RRM1: variants seen among roughly 807,000 people sequenced by gnomAD.
RRM1 encodes the protein ribonucleotide reductase catalytic subunit M1, also known as ribonucleoside-diphosphate reductase large subunit.
Under a neutral mutation model 101.5 loss-of-function variants are expected in RRM1, and 19 were observed. The ratio of observed to expected loss-of-function variants is 0.19; its 90% CI spans 0.13 to 0.27. RRM1 has a LOEUF of 0.27. RRM1 is among the 10% of genes least tolerant of loss of function. The probability of loss-of-function intolerance (pLI) is 1.00; values close to 1 mark genes in which losing one functional copy is unlikely to be tolerated. For missense variants in RRM1, 500 were observed against 962.9 expected, an observed-to-expected ratio of 0.52 and a Z score of 6.36; for synonymous variants, 298 against 323.4, an observed-to-expected ratio of 0.92 and a Z score of 0.84.
At chr11:4,115,194 G>A (rs1311098271) in intron 7 of RRM1, among the ~76,000 whole-genome samples, 7 of 152,124 alleles carry the variant, frequency 4.6e-5, no homozygotes, top group African/African-American at 1.7e-4. Context: ...GCAAAAGACT[G>A]CCCAAAAATG....
chr11:4,111,180 A>G (rs2094564931), intron 5 of RRM1, among the ~76,000 whole-genome samples: 1 of 152,022 alleles, frequency 6.6e-6, no homozygotes, highest in Admixed American at 6.6e-5. Flanking sequence ...ACGTTTTAAA[A>G]AGTTTTTTTT....
At chr11:4,113,895 G>C (rs1383625293) in intron 7 of RRM1, among the ~76,000 whole-genome samples, 2 of 152,188 alleles carry the variant, frequency 1.3e-5, no homozygotes. Flanking sequence ...GGGAGGCCGA[G>C]GCGGGCGGAT....
chr11:4,126,547 A>G (rs988194358), intron 12 of RRM1, 137 bp from the exon 13 acceptor site: 2 of 684,286 alleles, frequency 2.9e-6, no homozygotes, highest in South Asian at 2.1e-5. Context: ...GGACTGATGA[A>G]TGATGAAGAG....
At chr11:4,123,498 T>A in intron 12 of RRM1, 114 bp downstream of exon 12, 1 of 813,692 alleles carries the variant, frequency 1.2e-6, no homozygotes, top group Non-Finnish European at 2.1e-6. Context: ...TGCATAGTTG[T>A]AAGCAGAAGA....
At chr11:4,106,302 T>G (rs1376320669) in intron 3 of RRM1, 79 bp downstream of exon 3, 1 of 1,280,542 alleles carries the variant, frequency 7.8e-7, no homozygotes, top group Non-Finnish European at 1.1e-6. Flanking sequence ...CTTGACTGTT[T>G]AAAGAAGCAA....
intron 1 of RRM1, among the ~76,000 whole-genome samples, chr11:4,096,171 A>G (rs1377368105): frequency 6.6e-6 from 1 of 152,062 alleles, no homozygotes; most frequent in African/African-American, 2.4e-5. Flanking sequence ...GACTATAGGC[A>G]TGCACCACCA....
intron 7 of RRM1, among the ~76,000 whole-genome samples, chr11:4,117,529 GCAGAATGATAAA>G (rs2094575433): frequency 6.6e-6 from 1 of 152,156 alleles, no homozygotes. Context: ...AAAACAAGTT[GCAGAATGATAAA>G]CAGATATGCA....
chr11:4,106,274 A>G, intron 3 of RRM1, 51 bp downstream of exon 3: 1 of 1,426,654 alleles, frequency 7.0e-7, no homozygotes, highest in Non-Finnish European at 9.7e-7. Flanking sequence ...AAAAGTAATA[A>G]GGGTACTAGA....
chr11:4,134,596 G>A (rs1471338404), intron 17 of RRM1, among the ~76,000 whole-genome samples: 1 of 152,076 alleles, frequency 6.6e-6, no homozygotes. Flanking sequence ...GTTAACCCTA[G>A]GCCTAAGAAA....
chr11:4,111,373 T>C (rs2094565274), intron 5 of RRM1, among the ~76,000 whole-genome samples: 2 of 146,756 alleles, frequency 1.4e-5, no homozygotes, highest in Admixed American at 6.9e-5. Context: ...ATTGCGCCAC[T>C]GCACCCCAGC....
chr11:4,119,945 G>C lies in RRM1; in HGVS notation c.876+17G>C. The C allele has an allele frequency of 7.1e-7, 1 of 1,416,200 alleles. No homozygotes were observed. The highest frequency in any genetic ancestry group is 1.0e-6 in the Non-Finnish European group (1 of 1,001,870). The allele number at this position is 1,416,200 out of a possible 1,614,324, so 87.7% of individuals were successfully genotyped here. A position where few individuals can be genotyped will look rare whatever the true frequency, so the allele number is the denominator to read the frequency against. ...GGGAACAAGGTATGCTCCATGAATT[G>C]AAAGTACTGGAAATCAGAACTAAAG... On this transcript the variant is annotated intron_variant, in intron 9 of 18. Coordinates refer to ENST00000300738, the MANE Select transcript of RRM1 (RefSeq NM_001033.5).
chr11:4,133,727 C>CTA, intron 17 of RRM1, 69 bp downstream of exon 17: 1 of 860,082 alleles, frequency 1.2e-6, no homozygotes, highest in Non-Finnish European at 1.9e-6. Context: ...CTCACTCATG[C>CTA]TAGACAATGG....
chr11:4,118,532 G>T (rs1002219312), intron 8 of RRM1, 71 bp downstream of exon 8: 1 of 1,544,338 alleles, frequency 6.5e-7, no homozygotes, highest in Non-Finnish European at 8.8e-7. Context: ...GGTTGAGAGG[G>T]CATATGCTAT....
intron 17 of RRM1, among the ~76,000 whole-genome samples, chr11:4,134,212 T>G (rs542223188): frequency 2.2e-4 from 33 of 152,192 alleles, no homozygotes; most frequent in Non-Finnish European, 4.1e-4. Context: ...CCTCAGGTGA[T>G]CCGCCTGCCT....
intron 12 of RRM1, among the ~76,000 whole-genome samples, chr11:4,124,560 G>A (rs954040666): frequency 1.3e-5 from 2 of 152,124 alleles, no homozygotes; most frequent in Admixed American, 6.5e-5. Flanking sequence ...GGAAGACATC[G>A]ACATATATTG....
intron 2 of RRM1, among the ~76,000 whole-genome samples, 155 bp from the exon 3 acceptor site, chr11:4,105,891 C>T (rs1457699445): frequency 6.6e-6 from 1 of 151,866 alleles, no homozygotes; most frequent in Non-Finnish European, 1.5e-5. Flanking sequence ...TCGTGAACTG[C>T]TAAGCTTAAG....
At chr11:4,112,364 CTT>C (rs923415394) in intron 7 of RRM1, among the ~76,000 whole-genome samples, 1 of 146,426 alleles carries the variant, frequency 6.8e-6, no homozygotes, top group Non-Finnish European at 1.5e-5. Flanking sequence ...AATTATATTC[CTT>C]TTTTTTTTTG....
At chr11:4,109,751 A>G (rs1380366954) in intron 5 of RRM1, 48 bp downstream of exon 5, 2 of 1,448,662 alleles carry the variant, frequency 1.4e-6, no homozygotes, top group Non-Finnish European at 1.9e-6. Context: ...TAAATCATGA[A>G]ATAAAGGATT....
intron 3 of RRM1, 125 bp downstream of exon 3, chr11:4,106,348 C>G (rs2094558264): frequency 2.4e-6 from 2 of 833,526 alleles, no homozygotes; most frequent in African/African-American, 3.4e-5. Flanking sequence ...CCTCGAATCC[C>G]AGCAATTTGG....
Sources: allele counts gnomAD v4.1 joint callset (sites outside exome capture counted in the v4.1 genomes callset), GRCh38; gene constraint gnomAD v4.1.1; transcripts MANE v1.5; gene names NCBI Gene and HGNC (gene_info 2026-07-23, HGNC 2026-07-21).